Variants in GPR155 observed in about 807,000 individuals in gnomAD.
The protein encoded by GPR155 is lysosomal cholesterol signaling protein.
A neutral mutation model predicts 93.1 loss-of-function variants in GPR155; 65 were observed. The ratio of observed to expected loss-of-function variants is 0.70; its 90% CI spans 0.57 to 0.86. GPR155 has a LOEUF of 0.86. Ranked by LOEUF, GPR155 falls within the 40% of genes least tolerant of loss-of-function variation. The pLI is 0.00. For missense variants in GPR155, 838 were observed against 1,034.8 expected (o/e 0.81, Z 2.61); for synonymous variants, 319 against 360.1 (o/e 0.89, Z 1.29).
At chr2:174,441,633 C>G (rs944807223) in intron 14 of GPR155, among the ~76,000 whole-genome samples, 1 of 151,988 alleles carries the variant, frequency 6.6e-6, no homozygotes, top group African/African-American at 2.4e-5. Context: ...CACCGTGTGT[C>G]CAAGTGTTCT....
chr2:174,449,421 T>G (rs1172142608), intron 11 of GPR155, among the ~76,000 whole-genome samples: 1 of 152,202 alleles, frequency 6.6e-6, no homozygotes, highest in Admixed American at 6.5e-5. Context: ...AAAAGACTCA[T>G]GCACTTGCAT....
intron 5 of GPR155, among the ~76,000 whole-genome samples, chr2:174,468,018 G>A (rs555305102): frequency 6.6e-6 from 1 of 152,342 alleles, no homozygotes; most frequent in South Asian, 2.1e-4. Flanking sequence ...TTACAGGCAT[G>A]AGCCACGGTG....
chr2:174,475,328 T>TAAAAAAAAAA (rs1688133862), intron 2 of GPR155, among the ~76,000 whole-genome samples: 2 of 114,972 alleles, frequency 1.7e-5, no homozygotes, highest in Admixed American at 8.5e-5. Flanking sequence ...AAAAAAAAAT[T>TAAAAAAAAAA]AGGTTTCTCA....
At chr2:174,464,946 C>T (rs1446568684) in intron 7 of GPR155, among the ~76,000 whole-genome samples, 1 of 152,132 alleles carries the variant, frequency 6.6e-6, no homozygotes, top group East Asian at 1.9e-4. Context: ...GTGGACACTT[C>T]CTGACACCTG....
intron 11 of GPR155, among the ~76,000 whole-genome samples, chr2:174,448,418 C>A (rs560497388): frequency 2.0e-5 from 3 of 152,100 alleles, no homozygotes; most frequent in Admixed American, 2.0e-4. Context: ...TAGAAGAAAA[C>A]CTAGGAAACA....
chr2:174,479,715 C>T (rs893975622), intron 2 of GPR155, among the ~76,000 whole-genome samples: 4 of 152,078 alleles, frequency 2.6e-5, no homozygotes, highest in African/African-American at 4.8e-5. Context: ...ACTGTGGTGC[C>T]GAGTCAGTTC....
chr2:174,439,811 A>C, intron 15 of GPR155, 87 bp downstream of exon 15: 1 of 1,084,912 alleles, frequency 9.2e-7, no homozygotes, highest in Non-Finnish European at 1.4e-6. Flanking sequence ...AGTCACAACC[A>C]CCTCATTTAG....
chr2:174,453,978 TC>T (rs1206311829), intron 10 of GPR155, 137 bp from the exon 11 acceptor site: 18 of 641,782 alleles, frequency 2.8e-5, no homozygotes, highest in Non-Finnish European at 5.1e-5. Context: ...TCACATGGTA[TC>T]TATCCAAAAG....
At chr2:174,438,509 TTTTG>T (rs1173908999) in intron 15 of GPR155, among the ~76,000 whole-genome samples, 3 of 152,186 alleles carry the variant, frequency 2.0e-5, no homozygotes, top group African/African-American at 7.2e-5. Flanking sequence ...TTTTGTGGGT[TTTTG>T]TTTGTTTGTT....
chr2:174,452,780 G>A (rs918829148), intron 11 of GPR155, among the ~76,000 whole-genome samples: 1 of 152,024 alleles, frequency 6.6e-6, no homozygotes, highest in Non-Finnish European at 1.5e-5. Context: ...CAAGTAGCTG[G>A]GATTACAGTT....
At chr2:174,480,789 A>G (rs2105739828) in intron 2 of GPR155, among the ~76,000 whole-genome samples, 1 of 152,220 alleles carries the variant, frequency 6.6e-6, no homozygotes, top group Non-Finnish European at 1.5e-5. Flanking sequence ...TTTAAATTTG[A>G]GACAGGGTCT....
chr2:174,451,155 CA>C (rs920498791), intron 11 of GPR155, among the ~76,000 whole-genome samples: 3 of 150,416 alleles, frequency 2.0e-5, no homozygotes, highest in Admixed American at 1.3e-4. Context: ...ACTAAAAATA[CA>C]AAAAAAAATT....
intron 1 of GPR155, among the ~76,000 whole-genome samples, chr2:174,483,401 G>C (rs1688386198): frequency 6.6e-6 from 1 of 152,066 alleles, no homozygotes; most frequent in African/African-American, 2.4e-5. Flanking sequence ...AAAATGTTTT[G>C]TAAAATGTTC....
At chr2:174,457,482 A>G (rs1252666441) in intron 10 of GPR155, among the ~76,000 whole-genome samples, 2 of 152,138 alleles carry the variant, frequency 1.3e-5, no homozygotes, top group Non-Finnish European at 2.9e-5. Context: ...TTTGAGACAG[A>G]GTCTTGCTCT....
chr2:174,454,610 C>G (rs2105695806), intron 10 of GPR155, among the ~76,000 whole-genome samples: 1 of 148,196 alleles, frequency 6.7e-6, no homozygotes, highest in East Asian at 2.0e-4. Flanking sequence ...AGCAGTCACG[C>G]TCCAGCCTGG....
Position 174,459,915 on chromosome 2 carries a change from A to G in GPR155, c.1734T>C (p.Asn578=), listed in dbSNP as rs1483253494. The change falls in exon 10 of 16, where the codon AAT becomes AAC. Residue 578 remains asparagine, a synonymous_variant. Transcript: ENST00000392552. ...TAFEESPAPV[N]EPELFTSSIP... ...TAGAGCTTGTAAAAAGTTCTGGTTCATTTACTGGTGCTGGACTCTCCTCAA... is the reference window on the plus strand; with the variant it reads ...TAGAGCTTGTAAAAAGTTCTGGTTCGTTTACTGGTGCTGGACTCTCCTCAA... 1 of 1,613,824 alleles carries G rather than the reference A, an allele frequency of 6.2e-7. No individual in the cohort carries two copies. The highest frequency in any genetic ancestry group is 8.5e-7 in the Non-Finnish European group (1 of 1,179,884).
rs1188050895 is a variant in GPR155 at position 174,432,021 on chromosome 2, G to A, written c.*4095C>T. On this transcript the variant is annotated 3_prime_UTR_variant, in exon 16 of 16. Coordinates refer to ENST00000392552, the MANE Select transcript of GPR155 (RefSeq NM_152529.7). The stretch of plus-strand genomic sequence containing the variant: ...TTTTCTAGCTGTCACTCTACATATT[G>A]GAAATGATGAAATGTATGAAAAGGA... 1 of 152,090 alleles carries A rather than the reference G, an allele frequency of 6.6e-6. No homozygotes were observed. The highest frequency in any genetic ancestry group is 1.5e-5 in the Non-Finnish European group (1 of 68,016). 9.4% of individuals were successfully genotyped at this position (152,090 alleles called of 1,614,324 possible). A position where few individuals can be genotyped will look rare whatever the true frequency, so the allele number is the denominator to read the frequency against.
intron 6 of GPR155, 74 bp downstream of exon 6, chr2:174,466,470 A>G: frequency 4.7e-6 from 4 of 856,898 alleles, no homozygotes; most frequent in Non-Finnish European, 1.9e-6. Context: ...AAAACCTAGC[A>G]AAGTTATTTT....
At chr2:174,454,252 C>T (rs1337931527) in intron 10 of GPR155, among the ~76,000 whole-genome samples, 2 of 152,168 alleles carry the variant, frequency 1.3e-5, no homozygotes, top group African/African-American at 4.8e-5. Flanking sequence ...ATTGTCCCGC[C>T]TCAGCTTCCG....
Sources: gnomAD v4.1 joint callset for allele counts (sites outside exome capture counted in the v4.1 genomes callset) on GRCh38, gnomAD v4.1.1 for gene constraint, MANE v1.5 for transcripts, NCBI Gene and HGNC (gene_info 2026-07-23, HGNC 2026-07-21) for gene names.